NPTN: variants seen among roughly 807,000 people sequenced by gnomAD.
NPTN encodes neuroplastin.
NPTN carries 5 observed loss-of-function variants against 42.7 expected under a neutral mutation model. The observed-to-expected ratio is 0.12, with a 90% CI of 0.06 to 0.25. NPTN has a LOEUF of 0.25. Ranked by LOEUF, NPTN falls within the 10% of genes least tolerant of loss-of-function variation. NPTN has a pLI of 1.00. For synonymous variants in NPTN, 180 were observed against 201.9 expected, an observed-to-expected ratio of 0.89 and a Z score of 0.92; for missense variants, 307 against 525.4, an observed-to-expected ratio of 0.58 and a Z score of 4.06.
chr15:73,578,504 A>G (rs975157167), intron 4 of NPTN, among the ~76,000 whole-genome samples: 1 of 152,224 alleles, frequency 6.6e-6, no homozygotes, highest in Non-Finnish European at 1.5e-5. Flanking sequence ...GATGACACCA[A>G]GGTTTTGGCC....
intron 1 of NPTN, among the ~76,000 whole-genome samples, chr15:73,616,050 G>GT (rs1321592605): frequency 1.3e-5 from 2 of 152,218 alleles, no homozygotes; most frequent in Non-Finnish European, 1.5e-5. Flanking sequence ...TTTGCATAGG[G>GT]TAATTATATT....
intron 4 of NPTN, 133 bp from the exon 5 acceptor site, chr15:73,573,928 G>A: frequency 8.5e-7 from 1 of 1,175,172 alleles, no homozygotes; most frequent in Non-Finnish European, 1.2e-6. Context: ...CAGCTTTGAT[G>A]AAGAGCATTT....
At position 73,570,500 on chromosome 15, in the gene NPTN, C is replaced by T. The variant is rs1220461384; in HGVS notation, c.841-77G>A. On this transcript the variant is annotated intron_variant, in intron 5 of 8. Coordinates refer to ENST00000345330, the MANE Select transcript of NPTN (RefSeq NM_012428.4). This position sits in a 1 kb window ranked among gnomAD's most constrained non-coding sequence, Gnocchi z 4.0. ...TTCAAGAGAGGGTGACACTGCTCTC[C>T]GTTCTTTTTAGGCACCAGCCAGAAT... 3.5e-5 allele frequency: 48 copies of T among 1,391,126 alleles called. No homozygotes were observed. Among genetic ancestry groups the T allele is most frequent in the Non-Finnish European group, 4.5e-5 (45 of 1,007,454 alleles). 86.2% of individuals were successfully genotyped at this position (1,391,126 alleles called of 1,614,324 possible).
At chr15:73,612,133 G>T (rs1897612491) in intron 1 of NPTN, among the ~76,000 whole-genome samples, 1 of 152,140 alleles carries the variant, frequency 6.6e-6, no homozygotes, top group Non-Finnish European at 1.5e-5. Flanking sequence ...CAGAAAACAT[G>T]GGACAGGTTG....
intron 1 of NPTN, among the ~76,000 whole-genome samples, chr15:73,632,257 T>C (rs2141490198): frequency 6.6e-6 from 1 of 151,538 alleles, no homozygotes; most frequent in South Asian, 2.1e-4. Flanking sequence ...ATTTTTCGTC[T>C]TCCCCCACCC....
rs1285027849 is a variant in NPTN, at chr15:73,560,154, T to TATCA, written c.*905_*908dup. The stretch of plus-strand genomic sequence containing the variant: ...ATGAGAACCGTTAGGTTATAAAATC[T>TATCA]ATCATCAACCAGTAAATCAATGTGA... On this transcript the variant is annotated 3_prime_UTR_variant, in exon 9 of 9. Transcript: ENST00000345330. 20 of 342,646 alleles carry TATCA rather than the reference T, an allele frequency of 5.8e-5. No individual in the cohort carries two copies. Among genetic ancestry groups the TATCA allele is most frequent in the African/African-American group, 1.9e-4 (9 of 46,254 alleles). 21.2% of individuals were successfully genotyped at this position (342,646 alleles called of 1,614,324 possible). A position where few individuals can be genotyped will look rare whatever the true frequency, so the allele number is the denominator to read the frequency against.
rs917733652 is a variant in NPTN, at chr15:73,573,800, G to A, written c.707-5C>T. The A allele has an allele frequency of 4.4e-6, 7 of 1,603,860 alleles. No individual in the cohort carries two copies. In the South Asian group the frequency reaches 6.8e-5, roughly 16 times the overall value. ...GGCCAGTGATGTCAGGAGCGGCTGT[G>A]AGAAAGCGTTAGACGCAGTTACCAC... is the stretch of plus-strand genomic sequence containing the variant. On this transcript the variant is annotated splice_polypyrimidine_tract_variant and splice_region_variant and intron_variant, in intron 4 of 8. Transcript: ENST00000345330.
rs573742163 is a variant in NPTN, at chr15:73,617,456, T to G, written c.91+15669A>C. 2.0e-5 allele frequency among the ~76,000 whole-genome samples: 3 copies of G among 152,334 alleles called. No homozygotes were observed. In the South Asian group the frequency reaches 6.2e-4, roughly 32 times the overall value. ...GGATTCATCCTTCCTAACTAACCACTGGTATTCCCTCCTGTGGTTAGTTAC... is the reference window on the plus strand; with the variant it reads ...GGATTCATCCTTCCTAACTAACCACGGGTATTCCCTCCTGTGGTTAGTTAC... On this transcript the variant is annotated intron_variant, in intron 1 of 8. Coordinates refer to ENST00000345330, the MANE Select transcript of NPTN (RefSeq NM_012428.4).
intron 3 of NPTN, among the ~76,000 whole-genome samples, chr15:73,590,565 C>T (rs1480883523): frequency 1.3e-5 from 2 of 149,064 alleles, no homozygotes; most frequent in Non-Finnish European, 3.0e-5. Flanking sequence ...AGTTCAAGAC[C>T]AGCCTGGGCA....
At chr15:73,631,270 T>C (rs1264547683) in intron 1 of NPTN, among the ~76,000 whole-genome samples, 1 of 152,234 alleles carries the variant, frequency 6.6e-6, no homozygotes, top group Non-Finnish European at 1.5e-5. Flanking sequence ...GCATTAGGCT[T>C]CTTTAAGTCA....
intron 1 of NPTN, among the ~76,000 whole-genome samples, chr15:73,602,492 G>T (rs1367264694): frequency 1.3e-5 from 2 of 152,178 alleles, no homozygotes; most frequent in African/African-American, 4.8e-5. Context: ...GTGAATACAG[G>T]AACTATGAGT....
At chr15:73,592,162 G>A (rs1896621075) in intron 2 of NPTN, 25 bp from the exon 3 acceptor site, 1 of 1,599,980 alleles carries the variant, frequency 6.3e-7, no homozygotes, top group East Asian at 2.2e-5. Flanking sequence ...CACAATGATA[G>A]GGGGCAATAG....
chr15:73,562,987 T>C (rs929851898), intron 7 of NPTN, among the ~76,000 whole-genome samples: 14 of 150,566 alleles, frequency 9.3e-5, no homozygotes, highest in Admixed American at 2.6e-4. Context: ...TACACAAAAT[T>C]TGAAAAAAAA....
chr15:73,569,081 GCTGGCAACCCCACCA>G lies in NPTN; in HGVS notation c.1114+1054_1114+1068del. The G allele has an allele frequency of 1.0e-6, 1 of 985,882 alleles. No homozygotes were observed. Among genetic ancestry groups the G allele is most frequent in the Non-Finnish European group, 1.2e-6 (1 of 830,310 alleles). The allele number at this position is 985,882 out of a possible 1,614,324, so 61.1% of individuals were successfully genotyped here. A position where few individuals can be genotyped will look rare whatever the true frequency, so the allele number is the denominator to read the frequency against. The stretch of plus-strand genomic sequence containing the variant: ...CAGGCCCCAGAACAGCTGGACTACA[GCTGGCAACCCCACCA>G]TCACCCCGGGTAGGCTACCACTGAG... On this transcript the variant is annotated intron_variant, in intron 6 of 8. Transcript: ENST00000345330. This position sits in a 1 kb window ranked among gnomAD's most constrained non-coding sequence, Gnocchi z 4.1.
At chr15:73,576,730 T>G (rs1175802786) in intron 4 of NPTN, among the ~76,000 whole-genome samples, 1 of 152,202 alleles carries the variant, frequency 6.6e-6, no homozygotes, top group Non-Finnish European at 1.5e-5. Context: ...TACAAACCCA[T>G]GGCTGGGCTC....
At chr15:73,608,874 T>C (rs1469148980) in intron 1 of NPTN, among the ~76,000 whole-genome samples, 2 of 152,162 alleles carry the variant, frequency 1.3e-5, no homozygotes, top group African/African-American at 4.8e-5. Context: ...ATAACTGTAA[T>C]AAGGGAAAGC....
intron 1 of NPTN, among the ~76,000 whole-genome samples, chr15:73,620,336 G>C (rs1409705201): frequency 2.0e-5 from 3 of 152,094 alleles, no homozygotes; most frequent in Non-Finnish European, 4.4e-5. Flanking sequence ...TAGTCCTAGG[G>C]ACTAAGTACT....
chr15:73,589,657 T>C (rs1217292263), intron 3 of NPTN, among the ~76,000 whole-genome samples: 2 of 152,112 alleles, frequency 1.3e-5, no homozygotes, highest in Non-Finnish European at 2.9e-5. Flanking sequence ...GAAAAACTCC[T>C]AAACTCGACC....
At chr15:73,604,862 AT>A (rs1156996360) in intron 1 of NPTN, among the ~76,000 whole-genome samples, 1 of 152,218 alleles carries the variant, frequency 6.6e-6, no homozygotes, top group Non-Finnish European at 1.5e-5. Flanking sequence ...GCAGTGGCTC[AT>A]GCCTGTAATC....
Sources: allele counts gnomAD v4.1 joint callset (sites outside exome capture counted in the v4.1 genomes callset), GRCh38; gene constraint gnomAD v4.1.1; non-coding constraint Gnocchi (gnomAD v3.1); transcripts MANE v1.5; gene names NCBI Gene and HGNC (gene_info 2026-07-23, HGNC 2026-07-21).